ARHGAP5: variants seen among roughly 807,000 people sequenced by gnomAD.
ARHGAP5 encodes the protein rho GTPase-activating protein 5.
In ARHGAP5, 23 loss-of-function variants were observed where a neutral mutation model predicts 116.6. The observed-to-expected ratio is 0.20, with a 90% CI of 0.14 to 0.28. The LOEUF is 0.28. Ranked by LOEUF, ARHGAP5 falls within the 10% of genes least tolerant of loss-of-function variation. The pLI is 1.00. For synonymous variants in ARHGAP5, 574 were observed against 602.0 expected (o/e 0.95, Z 0.68); for missense variants, 1,405 against 1,774.8 (o/e 0.79, Z 3.74).
chr14:32,083,683 C>T (rs1057378131), intron 1 of ARHGAP5, among the ~76,000 whole-genome samples: 2 of 152,162 alleles, frequency 1.3e-5, no homozygotes, highest in East Asian at 3.9e-4. Flanking sequence ...TGTTGATATT[C>T]TTATTCAATC....
rs750918486 is a variant in ARHGAP5, at chr14:32,091,358, G to A, written c.689G>A (p.Arg230Gln). The A allele has an allele frequency of 1.9e-5, 31 of 1,612,332 alleles. No homozygotes were observed. Among genetic ancestry groups the A allele is most frequent in the African/African-American group, 2.7e-5 (2 of 74,840 alleles). Residue 230 changes from arginine to glutamine, a missense_variant, in exon 2 of 7, where the codon CGA becomes CAA. Around this residue, in one of 6 missense-constraint regions of ARHGAP5, gnomAD observed 190 missense variants for 314.9 expected, o/e 0.60. Transcript: ENST00000345122. Reference sequence around the variant, plus strand: ...CTTCTTGTAGTGGAAACATCAGCACGATTTAATGTCAACATTGAAACATGT... The same window carrying A: ...CTTCTTGTAGTGGAAACATCAGCACAATTTAATGTCAACATTGAAACATGT... The part of the protein sequence containing the change: ...KNLLVVETSA[R>Q]FNVNIETCFT...
At chr14:32,110,209 TAAA>T (rs563872548) in intron 2 of ARHGAP5, among the ~76,000 whole-genome samples, 6 of 113,906 alleles carry the variant, frequency 5.3e-5, no homozygotes, top group Non-Finnish European at 3.9e-5. Context: ...GCTGGGGAGA[TAAA>T]AAAAAAAAAA....
chr14:32,092,318 A>G lies in ARHGAP5; in HGVS notation c.1649A>G (p.Tyr550Cys). The change falls in exon 2 of 7, where the codon TAT becomes TGT. Residue 550 changes from tyrosine (Y) to cysteine (C), a missense_variant. Coordinates refer to ENST00000345122, the MANE Select transcript of ARHGAP5 (RefSeq NM_001030055.2). This position sits in a 1 kb window ranked among gnomAD's most constrained non-coding sequence, Gnocchi z 4.1. ...CTACTTAAGCATATAGGATTTGTTT[A>G]TCATCCCACTAAAGAAACATGTCTT... is the stretch of plus-strand genomic sequence containing the variant. Reference protein sequence around the residue: ...SLLLKHIGFVYHPTKETCLSG... With the variant: ...SLLLKHIGFVCHPTKETCLSG... 1 of 1,613,876 alleles carries G rather than the reference A, an allele frequency of 6.2e-7. No homozygotes were observed. Among genetic ancestry groups the G allele is most frequent in the Non-Finnish European group, 8.5e-7 (1 of 1,179,850 alleles).
intron 1 of ARHGAP5, among the ~76,000 whole-genome samples, chr14:32,083,517 A>G (rs1028826060): frequency 3.9e-5 from 6 of 152,148 alleles, no homozygotes; most frequent in Non-Finnish European, 7.4e-5. Context: ...CATTTCTTTG[A>G]ATTCCTGTTG....
chr14:32,086,148 G>T (rs1188136005), intron 1 of ARHGAP5, among the ~76,000 whole-genome samples: 1 of 152,104 alleles, frequency 6.6e-6, no homozygotes, highest in Non-Finnish European at 1.5e-5. Flanking sequence ...TAGCAGTGGG[G>T]ATCTTTGGGG....
chr14:32,152,341 T>C (rs924626416), intron 5 of ARHGAP5, 82 bp from the exon 6 acceptor site: 72 of 908,722 alleles, frequency 7.9e-5, no homozygotes, highest in Admixed American at 2.2e-4. Context: ...TTGACTGTTA[T>C]AGTAAATATA....
chr14:32,130,209 ATT>A (rs1201632953), intron 3 of ARHGAP5, among the ~76,000 whole-genome samples: 1,574 of 124,322 alleles, frequency 0.013, 19 homozygotes, highest in African/African-American at 0.044. Flanking sequence ...TTCATAAGGG[ATT>A]TTTTTTTTTT....
chr14:32,132,798 A>G (rs1042218618), intron 3 of ARHGAP5, among the ~76,000 whole-genome samples: 2 of 152,140 alleles, frequency 1.3e-5, no homozygotes, highest in Non-Finnish European at 2.9e-5. Flanking sequence ...TCAGCTTTGT[A>G]CATATGGCTA....
At chr14:32,106,997 C>A (rs772448569) in intron 2 of ARHGAP5, among the ~76,000 whole-genome samples, 1 of 152,114 alleles carries the variant, frequency 6.6e-6, no homozygotes, top group Non-Finnish European at 1.5e-5. Flanking sequence ...CCCTTTGAAT[C>A]CAGATTTAAG....
chr14:32,117,358 A>G (rs1879656308), intron 3 of ARHGAP5, 71 bp downstream of exon 3: 2 of 1,364,224 alleles, frequency 1.5e-6, no homozygotes, highest in Non-Finnish European at 2.0e-6. Context: ...AGTTTGTCAA[A>G]TGTTTGTGAT....
At chr14:32,089,770 G>C (rs769159562) in intron 1 of ARHGAP5, among the ~76,000 whole-genome samples, 1 of 151,754 alleles carries the variant, frequency 6.6e-6, no homozygotes, top group Non-Finnish European at 1.5e-5. Context: ...AAAAATCAAG[G>C]CTTCGATGTA....
chr14:32,111,879 G>A (rs983694396), intron 2 of ARHGAP5, among the ~76,000 whole-genome samples: 4 of 110,530 alleles, frequency 3.6e-5, no homozygotes, highest in African/African-American at 1.4e-4. Flanking sequence ...GTCTCGCTCT[G>A]TTACTAGGCT....
rs563184813 is a variant in ARHGAP5 at position 32,114,233 on chromosome 14, A to G, written c.3718-2907A>G. On this transcript the variant is annotated intron_variant, in intron 2 of 6. Coordinates refer to ENST00000345122, the MANE Select transcript of ARHGAP5 (RefSeq NM_001030055.2). ...ACAGAGCTAGACTCCGTCTCAAAAAAAAAAAAAATCTACCCAAGTGTAATC... is the reference window on the plus strand; with the variant it reads ...ACAGAGCTAGACTCCGTCTCAAAAAGAAAAAAAATCTACCCAAGTGTAATC... 2.2e-3 allele frequency among the ~76,000 whole-genome samples: 336 copies of G among 152,220 alleles called. 6 individuals carry two copies. The highest frequency in any genetic ancestry group is 7.9e-3 in the African/African-American group (327 of 41,530).
intron 2 of ARHGAP5, among the ~76,000 whole-genome samples, chr14:32,100,488 A>G (rs1231271481): frequency 1.4e-4 from 21 of 152,192 alleles, no homozygotes; most frequent in Admixed American, 1.4e-3. Context: ...GTGTGCCACC[A>G]TGCCTGGCTT....
At chr14:32,141,528 A>G (rs2139129279) in intron 3 of ARHGAP5, among the ~76,000 whole-genome samples, 1 of 152,346 alleles carries the variant, frequency 6.6e-6, no homozygotes, top group Middle Eastern at 3.4e-3. Flanking sequence ...AAAAGGAGTT[A>G]TAAATCAAAA....
At position 32,146,330 on chromosome 14, in the gene ARHGAP5, G is replaced by A. The variant is rs1057459478; in HGVS notation, c.3933G>A (p.Gln1311=). 1.9e-6 allele frequency: 3 copies of A among 1,610,388 alleles called. No homozygotes were observed. The African/African-American group carries it at 4.0e-5, about 22-fold the overall frequency. Residue 1311 remains glutamine (Q), a synonymous_variant, in exon 4 of 7, where the codon CAG becomes CAA. Transcript: ENST00000345122. The part of the protein sequence containing the change: ...NKTDQDNIQK[Q]FDQDHNINLV... Reference sequence around the variant, plus strand: ...CTGACCAAGACAATATTCAAAAGCAGTTTGATCAAGGTAAGAAGATGATTA... The same window carrying A: ...CTGACCAAGACAATATTCAAAAGCAATTTGATCAAGGTAAGAAGATGATTA...
Position 32,155,316 on chromosome 14 carries a change from G to A in ARHGAP5, c.*368G>A, listed in dbSNP as rs1218818030. On this transcript the variant is annotated 3_prime_UTR_variant, in exon 7 of 7. Transcript: ENST00000345122. ...AACTCACCTATATGAAACATTTAATGCTTTTCAGCCTGCTTTCTGGCTGAT... is the reference window on the plus strand; with the variant it reads ...AACTCACCTATATGAAACATTTAATACTTTTCAGCCTGCTTTCTGGCTGAT... 2 of 160,526 alleles carry A rather than the reference G, an allele frequency of 1.2e-5. No homozygotes were observed. Among genetic ancestry groups the A allele is most frequent in the African/African-American group, 4.8e-5 (2 of 41,638 alleles). 9.9% of individuals were successfully genotyped at this position (160,526 alleles called of 1,614,324 possible). A position where few individuals can be genotyped will look rare whatever the true frequency, so the allele number is the denominator to read the frequency against.
rs1346459782 is a variant in ARHGAP5 at position 32,077,406 on chromosome 14, G to A, written c.-198G>A. 1 of 705,464 alleles carries A rather than the reference G, an allele frequency of 1.4e-6. No individual in the cohort carries two copies. 43.7% of individuals were successfully genotyped at this position (705,464 alleles called of 1,614,324 possible). A position where few individuals can be genotyped will look rare whatever the true frequency, so the allele number is the denominator to read the frequency against. On this transcript the variant is annotated 5_prime_UTR_variant, in exon 1 of 7. Transcript: ENST00000345122. ...CCACCGCCGGGGCCGCTGCCGTTGAGGAGGAGACGGAGGAGACCGACGTTG... is the reference window on the plus strand; with the variant it reads ...CCACCGCCGGGGCCGCTGCCGTTGAAGAGGAGACGGAGGAGACCGACGTTG...
chr14:32,150,533 C>T (rs1050206447), intron 5 of ARHGAP5, among the ~76,000 whole-genome samples: 13 of 152,058 alleles, frequency 8.5e-5, no homozygotes, highest in Non-Finnish European at 1.5e-4. Flanking sequence ...ATTCCATGAC[C>T]GAAGGTGGAA....
Sources: allele counts gnomAD v4.1 joint callset (sites outside exome capture counted in the v4.1 genomes callset), GRCh38; gene constraint gnomAD v4.1.1; regional missense constraint gnomAD v4.1.1; non-coding constraint Gnocchi (gnomAD v3.1); transcripts MANE v1.5; gene names NCBI Gene and HGNC (gene_info 2026-07-23, HGNC 2026-07-21).